The following TUBB8B variants were observed in gnomAD, a reference collection of about 807,000 sequenced individuals.
TUBB8B encodes tubulin beta 8B, also known as HSA18p11 beta-tubulin 4Q pseudogene.
A neutral mutation model predicts 31.9 loss-of-function variants in TUBB8B; 26 were observed. That is an observed-to-expected ratio of 0.81 (90% CI 0.60 to 1.13). TUBB8B has a LOEUF of 1.13. Ranked by LOEUF, TUBB8B falls within the 50% of genes most tolerant of loss-of-function variation. TUBB8B has a pLI of 0.00. For synonymous variants in TUBB8B, 173 were observed against 231.0 expected, an observed-to-expected ratio of 0.75 and a Z score of 2.28; for missense variants, 467 against 586.7, an observed-to-expected ratio of 0.80 and a Z score of 2.11.
chr18:54,302 C>T (rs1687445163), upstream of TUBB8B, among the ~76,000 whole-genome samples: 2 of 151,710 alleles, frequency 1.3e-5, no homozygotes, highest in South Asian at 4.2e-4. Context: ...ACATGACATA[C>T]TTTGATACAG....
At chr18:58,291 G>T in the TUBB8B span, among the ~76,000 whole-genome samples, 4 of 151,634 alleles carry the variant, frequency 2.6e-5, no homozygotes, top group East Asian at 7.8e-4. Flanking sequence ...TTTACGCTAT[G>T]CTTCCCTTGC....
chr18:68,037 T>G, the TUBB8B span, among the ~76,000 whole-genome samples: 2 of 152,206 alleles, frequency 1.3e-5, no homozygotes, highest in Admixed American at 1.3e-4. Flanking sequence ...GCAATACTGA[T>G]ACAGCATCCA....
chr18:52,927 G>T (rs12965068), upstream of TUBB8B, among the ~76,000 whole-genome samples: 111 of 151,882 alleles, frequency 7.3e-4, 3 homozygotes, highest in Admixed American at 1.1e-3. Context: ...TGTACTCATT[G>T]AAGTCGGGGC....
chr18:67,316 T>G, the TUBB8B span, among the ~76,000 whole-genome samples: 3 of 152,130 alleles, frequency 2.0e-5, no homozygotes, highest in Admixed American at 6.6e-5. Context: ...GTCTTGTACC[T>G]TGGTTAAATT....
upstream of TUBB8B, among the ~76,000 whole-genome samples, chr18:52,451 C>G (rs1269138646): frequency 6.6e-6 from 1 of 151,654 alleles, no homozygotes; most frequent in Non-Finnish European, 1.5e-5. Context: ...GGCTTGGCCT[C>G]TAATCTGAGT....
At chr18:67,026 C>T in the TUBB8B span, among the ~76,000 whole-genome samples, 1 of 148,578 alleles carries the variant, frequency 6.7e-6, no homozygotes, top group Non-Finnish European at 1.5e-5. Context: ...AACGGAGTCT[C>T]ACTCTGTCAC....
At chr18:50,289 C>T (rs557550243), upstream of TUBB8B, 16 of 180,004 alleles carry the variant, frequency 8.9e-5, no homozygotes, top group East Asian at 1.1e-3. Flanking sequence ...GGAGTTATTT[C>T]TTCTGGTAAA....
intron 3 of TUBB8B, 137 bp downstream of exon 3, chr18:48,803 G>A (rs1235878131): frequency 1.4e-6 from 1 of 738,810 alleles, no homozygotes; most frequent in East Asian, 2.7e-5. Flanking sequence ...GGAGGCAGAT[G>A]AAGCGACTCG....
chr18:65,949 C>CG, the TUBB8B span, among the ~76,000 whole-genome samples: 5 of 152,078 alleles, frequency 3.3e-5, no homozygotes, highest in Non-Finnish European at 7.4e-5. Flanking sequence ...CCATTCCAGA[C>CG]GGGGGGTGGT....
chr18:56,503 G>T, the TUBB8B span, among the ~76,000 whole-genome samples: 1 of 151,304 alleles, frequency 6.6e-6, no homozygotes, highest in Non-Finnish European at 1.5e-5. Flanking sequence ...TTCTTTTATC[G>T]GTGTTTTACA....
chr18:49,515 G>A lies in TUBB8B; in HGVS notation c.43C>T (p.Gln15Ter), dbSNP rs184028554. 8.0e-3 allele frequency: 7,618 copies of A among 955,862 alleles called. 390 individuals carry two copies. Among genetic ancestry groups the A allele is most frequent in the Non-Finnish European group, 0.01 (6,512 of 620,442 alleles). The allele number at this position is 955,862 out of a possible 1,614,324, so 59.2% of individuals were successfully genotyped here. ...VLTQTGQCGN[Q>*]IGAKFWEVIS... ...TGGCTGCCAACCTTGGCGCCGATCT[G>A]GTTCCCGCACTGCCCGGTCTGCGTG... is the stretch of plus-strand genomic sequence containing the variant. The change falls in exon 1 of 4, where the codon CAG (glutamine) becomes TAG (stop). Residue 15 changes from glutamine to a stop codon, truncating the protein, a stop_gained. Transcript: ENST00000308911. LOFTEE classifies it high-confidence loss of function.
the TUBB8B span, among the ~76,000 whole-genome samples, chr18:67,687 G>T: frequency 6.6e-6 from 1 of 152,094 alleles, no homozygotes; most frequent in African/African-American, 2.4e-5. Flanking sequence ...CTATGTGTGG[G>T]TATGTCTGTG....
chr18:71,904 C>T, the TUBB8B span, among the ~76,000 whole-genome samples: 1 of 146,802 alleles, frequency 6.8e-6, no homozygotes, highest in Non-Finnish European at 1.5e-5. Flanking sequence ...AGAGGCTGGG[C>T]TCAGTGGCTC....
the TUBB8B span, among the ~76,000 whole-genome samples, chr18:61,979 T>G: frequency 2.0e-5 from 3 of 151,854 alleles, no homozygotes; most frequent in Admixed American, 2.0e-4. Context: ...ACTTTTTTCT[T>G]TCAGGCTCAG....
At chr18:60,397 T>C in the TUBB8B span, among the ~76,000 whole-genome samples, 1 of 151,766 alleles carries the variant, frequency 6.6e-6, no homozygotes, top group South Asian at 2.1e-4. Context: ...ATTTGTTAAT[T>C]GTTTTACTTT....
chr18:60,658 G>T, the TUBB8B span, among the ~76,000 whole-genome samples: 1 of 151,528 alleles, frequency 6.6e-6, no homozygotes, highest in Non-Finnish European at 1.5e-5. Flanking sequence ...GCTATGCTAT[G>T]TTTCTATTAT....
rs1252779437 is a variant in TUBB8B, at chr18:47,906, C to T, written c.819G>A (p.Leu273=). Residue 273 remains leucine, a synonymous_variant, in exon 4 of 4, where the codon CTG becomes CTA. Transcript: ENST00000308911. ...GGTACTGCTGGCTGCCCCGGCTGGT[C>T]AGTGGGGCAAAGCCGGGCATGAAGA... ...LHFFMPGFAP[L]TSRGSQQYRA... 6.2e-7 allele frequency: 1 copy of T among 1,611,396 alleles called. No individual in the cohort carries two copies. Among genetic ancestry groups the T allele is most frequent in the Admixed American group, 1.7e-5 (1 of 60,022 alleles).
chr18:72,930 G>A, the TUBB8B span, among the ~76,000 whole-genome samples: 1 of 152,130 alleles, frequency 6.6e-6, no homozygotes, highest in Non-Finnish European at 1.5e-5. Flanking sequence ...TCGCGCCATT[G>A]CACTCCAACC....
chr18:59,470 T>C, the TUBB8B span, among the ~76,000 whole-genome samples: 4 of 151,710 alleles, frequency 2.6e-5, no homozygotes, highest in African/African-American at 9.7e-5. Context: ...AAAGGGTTTA[T>C]TATTAAAGAA....
Sources: gnomAD v4.1 joint callset for allele counts (sites outside exome capture counted in the v4.1 genomes callset) on GRCh38, gnomAD v4.1.1 for gene constraint, MANE v1.5 for transcripts, NCBI Gene and HGNC (gene_info 2026-07-23, HGNC 2026-07-21) for gene names.